Variants in ABLIM2 observed in about 807,000 individuals in gnomAD.
The protein encoded by ABLIM2 is actin binding LIM protein family member 2.
Under a neutral mutation model 97.7 loss-of-function variants are expected in ABLIM2, and 53 were observed. The ratio of observed to expected loss-of-function variants is 0.54; its 90% CI spans 0.44 to 0.68. The LOEUF is 0.68. Among genes scored for constraint, ABLIM2 ranks in the 30% least tolerant of loss-of-function variants. The pLI is 0.00. For synonymous variants in ABLIM2, 361 were observed against 345.8 expected (o/e 1.04, Z -0.49); for missense variants, 835 against 867.2 (o/e 0.96, Z 0.47).
intron 2 of ABLIM2, among the ~76,000 whole-genome samples, chr4:8,105,042 C>G (rs761314710): frequency 2.1e-4 from 32 of 152,172 alleles, no homozygotes; most frequent in Non-Finnish European, 4.0e-4. Flanking sequence ...TGCAGACACG[C>G]CTGGAATGCA....
At position 8,045,911 on chromosome 4, in the gene ABLIM2, G is replaced by A. The variant is rs538619428; in HGVS notation, c.823-670C>T. ...TTCCTGGGAACACGGGACCATCTTG[G>A]TCACCCTGAAGACCCTCTCTAGCTT... On this transcript the variant is annotated intron_variant, in intron 8 of 20. Coordinates refer to ENST00000447017, the MANE Select transcript of ABLIM2 (RefSeq NM_001130083.2). Among the ~76,000 whole-genome samples, 155 of 152,218 alleles carry A rather than the reference G, an allele frequency of 1.0e-3. 1 individual carries two copies. The highest frequency in any genetic ancestry group is 1.2e-3 in the Non-Finnish European group (85 of 68,020).
intron 1 of ABLIM2, among the ~76,000 whole-genome samples, chr4:8,139,358 T>C (rs1850634905): frequency 6.6e-6 from 1 of 152,048 alleles, no homozygotes. Flanking sequence ...TCTATCCTTC[T>C]GACAAAGATC....
At chr4:8,096,727 G>C (rs145869556) in intron 3 of ABLIM2, among the ~76,000 whole-genome samples, 2 of 152,354 alleles carry the variant, frequency 1.3e-5, no homozygotes, top group Admixed American at 6.5e-5. Flanking sequence ...GGGGAGGGAA[G>C]GGGGAGGCAG....
In ABLIM2 at chr4:8,147,733, G is replaced by A. The variant is rs368698042; in HGVS notation, c.10+10947C>T. ...AGCCCCCGAGGGAGCTGCCAGCGCC[G>A]TTTAGCCTCGGACACTGACATTGAA... On this transcript the variant is annotated intron_variant, in intron 1 of 20. Coordinates refer to ENST00000447017, the MANE Select transcript of ABLIM2 (RefSeq NM_001130083.2). This position sits in a 1 kb window ranked among gnomAD's most constrained non-coding sequence, Gnocchi z 5.3. Among the ~76,000 whole-genome samples the A allele has an allele frequency of 2.6e-5, 4 of 152,292 alleles. No individual in the cohort carries two copies. Among genetic ancestry groups the A allele is most frequent in the African/African-American group, 4.8e-5 (2 of 41,568 alleles).
Position 8,068,413 on chromosome 4 carries a change from G to T in ABLIM2, c.676-7359C>A, listed in dbSNP as rs1325979481. Among the ~76,000 whole-genome samples the T allele has an allele frequency of 6.6e-6, 1 of 152,166 alleles. No individual in the cohort carries two copies. Among genetic ancestry groups the T allele is most frequent in the African/African-American group, 2.4e-5 (1 of 41,432 alleles). ...TCCTCAGCCAGTGCTGGGTCAGAGG[G>T]CAGCGGTTTAAGGGACGTCCCCACT... is the stretch of plus-strand genomic sequence containing the variant. On this transcript the variant is annotated intron_variant, in intron 6 of 20. Coordinates refer to ENST00000447017, the MANE Select transcript of ABLIM2 (RefSeq NM_001130083.2). The surrounding 1 kb of genome is among the most constrained non-coding windows in gnomAD (Gnocchi z 4.5).
Position 8,087,494 on chromosome 4 carries a change from C to T in ABLIM2, c.454+675G>A, listed in dbSNP as rs1264335960. On this transcript the variant is annotated intron_variant, in intron 4 of 20. Coordinates refer to ENST00000447017, the MANE Select transcript of ABLIM2 (RefSeq NM_001130083.2). This position sits in a 1 kb window ranked among gnomAD's most constrained non-coding sequence, Gnocchi z 4.6. ...GGAGGTGGAGCAGTGAACCCAAGGG[C>T]CCCTGACTGCGGGAGCCCGGAGCTC... Among the ~76,000 whole-genome samples the T allele has an allele frequency of 6.6e-6, 1 of 152,230 alleles. No homozygotes were observed. The highest frequency in any genetic ancestry group is 1.5e-5 in the Non-Finnish European group (1 of 68,036).
chr4:8,131,795 C>T (rs1247866471), intron 1 of ABLIM2, among the ~76,000 whole-genome samples: 4 of 103,820 alleles, frequency 3.9e-5, no homozygotes, highest in African/African-American at 1.5e-4. Flanking sequence ...CACAGCAGCC[C>T]GCATCCCTGA....
At chr4:8,052,102 C>T (rs1428060120) in intron 8 of ABLIM2, among the ~76,000 whole-genome samples, 5 of 152,316 alleles carry the variant, frequency 3.3e-5, no homozygotes, top group African/African-American at 9.6e-5. Context: ...CGTGTGTCCG[C>T]GTTGTTTTTT....
intron 3 of ABLIM2, among the ~76,000 whole-genome samples, chr4:8,094,558 A>C (rs1830434071): frequency 6.6e-6 from 1 of 152,162 alleles, no homozygotes; most frequent in African/African-American, 2.4e-5. Flanking sequence ...CAGGACAGGG[A>C]TTTTCACAGT....
chr4:8,062,758 A>C (rs979016163), intron 6 of ABLIM2, among the ~76,000 whole-genome samples: 1 of 151,998 alleles, frequency 6.6e-6, no homozygotes, highest in Non-Finnish European at 1.5e-5. Context: ...TAGCACTCTT[A>C]AGTGTAAATC....
rs984859774 is a variant in ABLIM2 at position 7,998,895 on chromosome 4, G to A, written c.1619-5968C>T. 5.3e-5 allele frequency among the ~76,000 whole-genome samples: 8 copies of A among 152,180 alleles called. No individual in the cohort carries two copies. The highest frequency in any genetic ancestry group is 9.7e-5 in the African/African-American group (4 of 41,444). ...CGTCTGCCGTATCATTTGCAGGTCC[G>A]TTTAGCTGTATGTAGCAGAGAAGAG... On this transcript the variant is annotated intron_variant, in intron 16 of 20. Transcript: ENST00000447017. This position sits in a 1 kb window ranked among gnomAD's most constrained non-coding sequence, Gnocchi z 6.4.
At chr4:8,154,026 G>A (rs1297863866) in intron 1 of ABLIM2, among the ~76,000 whole-genome samples, 29 of 148,854 alleles carry the variant, frequency 1.9e-4, no homozygotes, top group African/African-American at 6.2e-4. Flanking sequence ...GCAGTGGCGT[G>A]ATCTCGGCTC....
intron 20 of ABLIM2, among the ~76,000 whole-genome samples, chr4:7,977,066 G>T (rs1020594434): frequency 1.3e-5 from 2 of 152,156 alleles, no homozygotes; most frequent in African/African-American, 4.8e-5. Context: ...GAGGGACCTG[G>T]TGGGAGGTGA....
In ABLIM2 at chr4:8,069,477, T is replaced by C. The variant is rs1215763642; in HGVS notation, c.675+8151A>G. On this transcript the variant is annotated intron_variant, in intron 6 of 20. Transcript: ENST00000447017. This position sits in a 1 kb window ranked among gnomAD's most constrained non-coding sequence, Gnocchi z 4.2. ...CAAGGGAGGACACGACAGGCCAGCGTGGAAGGGTAGGACCAGGGGCTCTGA... is the reference window on the plus strand; with the variant it reads ...CAAGGGAGGACACGACAGGCCAGCGCGGAAGGGTAGGACCAGGGGCTCTGA... Among the ~76,000 whole-genome samples the C allele has an allele frequency of 1.3e-5, 2 of 151,932 alleles. No individual in the cohort carries two copies. The highest frequency in any genetic ancestry group is 4.8e-5 in the African/African-American group (2 of 41,340).
chr4:8,037,938 G>A (rs1364493554), intron 9 of ABLIM2, among the ~76,000 whole-genome samples: 3 of 152,168 alleles, frequency 2.0e-5, no homozygotes, highest in East Asian at 3.9e-4. Flanking sequence ...GCCTTCCTCC[G>A]CGGTACCCCA....
intron 5 of ABLIM2, among the ~76,000 whole-genome samples, chr4:8,078,785 C>A (rs549562645): frequency 6.6e-6 from 1 of 152,358 alleles, no homozygotes; most frequent in East Asian, 1.9e-4. Context: ...ATGGCAGGCA[C>A]TCTCCAAGGT....
intron 7 of ABLIM2, among the ~76,000 whole-genome samples, chr4:8,057,136 T>C (rs924584984): frequency 3.3e-5 from 5 of 150,656 alleles, no homozygotes; most frequent in Admixed American, 6.6e-5. Flanking sequence ...TCTCACTCTG[T>C]TGTCCAGGCT....
In ABLIM2 at chr4:7,970,937, C is replaced by T. The variant is rs1292263179; in HGVS notation, c.1825-3834G>A. 6.6e-6 allele frequency among the ~76,000 whole-genome samples: 1 copy of T among 152,050 alleles called. No homozygotes were observed. The highest frequency in any genetic ancestry group is 1.5e-5 in the Non-Finnish European group (1 of 67,992). ...TCTAGGGGGCTGACAGGGACCACCT[C>T]CCCGCAGGCTCCAGTCCTGTTTTCT... On this transcript the variant is annotated intron_variant, in intron 20 of 20. Coordinates refer to ENST00000447017, the MANE Select transcript of ABLIM2 (RefSeq NM_001130083.2). The surrounding 1 kb of genome is among the most constrained non-coding windows in gnomAD (Gnocchi z 5.3).
chr4:8,134,470 G>A (rs1321512974), intron 1 of ABLIM2, among the ~76,000 whole-genome samples: 6 of 152,160 alleles, frequency 3.9e-5, no homozygotes, highest in African/African-American at 9.7e-5. Context: ...CCCAGCCCCC[G>A]TCGGCAAGAA....
Sources: allele counts gnomAD v4.1 joint callset (sites outside exome capture counted in the v4.1 genomes callset), GRCh38; gene constraint gnomAD v4.1.1; non-coding constraint Gnocchi (gnomAD v3.1); transcripts MANE v1.5; gene names NCBI Gene and HGNC (gene_info 2026-07-23, HGNC 2026-07-21).